The following KIAA0825 variants were observed in gnomAD, a reference collection of about 807,000 sequenced individuals.
The protein encoded by KIAA0825 is KIAA0825, also known as uncharacterized protein KIAA0825.
KIAA0825 carries 119 observed loss-of-function variants against 147.6 expected under a neutral mutation model. The observed-to-expected ratio is 0.81, with a 90% CI of 0.69 to 0.94. The LOEUF (loss-of-function observed/expected upper bound fraction) is 0.94. Ranked by LOEUF, KIAA0825 falls within the 40% of genes least tolerant of loss-of-function variation. The pLI, the probability that KIAA0825 is intolerant of heterozygous loss-of-function variation, is 0.00. For missense variants in KIAA0825, 1,381 were observed against 1,472.7 expected (o/e 0.94, Z 1.02); for synonymous variants, 470 against 518.1 (o/e 0.91, Z 1.26).
chr5:94,293,755 T>C (rs1481857058), intron 20 of KIAA0825, among the ~76,000 whole-genome samples: 1 of 152,174 alleles, frequency 6.6e-6, no homozygotes, highest in Non-Finnish European at 1.5e-5. Context: ...TAAGTCTCTT[T>C]GTAGGTCTCT....
intron 20 of KIAA0825, among the ~76,000 whole-genome samples, chr5:94,316,693 G>GTC (rs1779692792): frequency 6.6e-6 from 1 of 151,704 alleles, no homozygotes; most frequent in Non-Finnish European, 1.5e-5. Context: ...ATCTTCCTCC[G>GTC]TCAGGCTTTA....
At chr5:94,554,621 G>C (rs1023885391) in intron 2 of KIAA0825, among the ~76,000 whole-genome samples, 5 of 149,882 alleles carry the variant, frequency 3.3e-5, no homozygotes, top group African/African-American at 1.2e-4. Context: ...CATTCATTGA[G>C]ACCTGGATTA....
At chr5:94,460,107 T>A (rs1025791697) in intron 12 of KIAA0825, among the ~76,000 whole-genome samples, 12 of 152,134 alleles carry the variant, frequency 7.9e-5, no homozygotes, top group African/African-American at 1.2e-4. Flanking sequence ...TAAAGTCTAC[T>A]CATCCAAAAT....
intron 16 of KIAA0825, among the ~76,000 whole-genome samples, chr5:94,397,759 A>G (rs992250476): frequency 3.3e-5 from 5 of 152,082 alleles, no homozygotes; most frequent in African/African-American, 1.2e-4. Flanking sequence ...GTCCCCTGGG[A>G]CCAAAACTGT....
At chr5:94,540,571 A>G (rs1242184640) in intron 2 of KIAA0825, among the ~76,000 whole-genome samples, 1 of 152,184 alleles carries the variant, frequency 6.6e-6, no homozygotes, top group East Asian at 1.9e-4. Flanking sequence ...GTTGTGTGTG[A>G]TGTTTATATG....
In KIAA0825 at chr5:94,151,559, A is replaced by C. The variant is rs966491782; in HGVS notation, c.*2448T>G. Among the ~76,000 whole-genome samples, 1 of 152,120 alleles carries C rather than the reference A, an allele frequency of 6.6e-6. No homozygotes were observed. Among genetic ancestry groups the C allele is most frequent in the Non-Finnish European group, 1.5e-5 (1 of 68,022 alleles). On this transcript the variant is annotated 3_prime_UTR_variant, in exon 21 of 21. Transcript: ENST00000682413. ...ATGGCTATAATAATTTCACTGAACA[A>C]GCACAGAATAGAATTCAACTGCAAG...
intron 13 of KIAA0825, among the ~76,000 whole-genome samples, chr5:94,446,278 A>T (rs1757712523): frequency 1.3e-5 from 2 of 152,220 alleles, no homozygotes; most frequent in Admixed American, 1.3e-4. Context: ...GTAAGCAAAA[A>T]GCAGAAATTC....
At chr5:94,383,091 A>G (rs991962225) in intron 20 of KIAA0825, among the ~76,000 whole-genome samples, 6 of 152,070 alleles carry the variant, frequency 3.9e-5, no homozygotes, top group Non-Finnish European at 5.9e-5. Flanking sequence ...CACCTCTCCA[A>G]ATATCTTTGG....
chr5:94,483,011 C>A (rs1762658357), intron 6 of KIAA0825, among the ~76,000 whole-genome samples: 1 of 151,958 alleles, frequency 6.6e-6, no homozygotes, highest in Non-Finnish European at 1.5e-5. Context: ...GACTTTCATT[C>A]ACAAATGGTA....
intron 20 of KIAA0825, among the ~76,000 whole-genome samples, chr5:94,348,086 C>G (rs958345526): frequency 1.3e-5 from 2 of 151,998 alleles, no homozygotes; most frequent in Non-Finnish European, 2.9e-5. Flanking sequence ...CCCAATCCAA[C>G]AAAGACAAAG....
chr5:94,553,176 C>T (rs1329656409), intron 2 of KIAA0825, among the ~76,000 whole-genome samples: 1 of 152,022 alleles, frequency 6.6e-6, no homozygotes, highest in African/African-American at 2.4e-5. Context: ...GAGTGACTCA[C>T]GCCTGTAATC....
intron 16 of KIAA0825, among the ~76,000 whole-genome samples, chr5:94,398,487 AAAT>A (rs1750965375): frequency 6.6e-6 from 1 of 152,164 alleles, no homozygotes; most frequent in South Asian, 2.1e-4. Context: ...CATGGTTCAC[AAAT>A]AATCTTCAAC....
Position 94,466,517 on chromosome 5 carries a change from A to C in KIAA0825, c.1873-1458T>G, listed in dbSNP as rs1474288178. Among the ~76,000 whole-genome samples, 58 of 152,074 alleles carry C rather than the reference A, an allele frequency of 3.8e-4. 2 individuals carry two copies. Among genetic ancestry groups the C allele is most frequent in the Admixed American group, 3.8e-3 (58 of 15,272 alleles). On this transcript the variant is annotated intron_variant, in intron 10 of 20. Coordinates refer to ENST00000682413, the MANE Select transcript of KIAA0825 (RefSeq NM_001145678.3). ...GGCGGATCACGACGTCAGGAGATCG[A>C]GACCATCATGGCTAACACTAAGAAA...
intron 6 of KIAA0825, among the ~76,000 whole-genome samples, chr5:94,481,322 G>C (rs1051353424): frequency 1.3e-5 from 2 of 152,098 alleles, no homozygotes; most frequent in African/African-American, 2.4e-5. Context: ...GAGAGTAGAG[G>C]TTGGCAGTAC....
Position 94,151,702 on chromosome 5 carries a change from T to C in KIAA0825, c.*2305A>G, listed in dbSNP as rs1404953733. Among the ~76,000 whole-genome samples the C allele has an allele frequency of 6.6e-6, 1 of 152,202 alleles. No homozygotes were observed. The highest frequency in any genetic ancestry group is 1.5e-5 in the Non-Finnish European group (1 of 68,032). On this transcript the variant is annotated 3_prime_UTR_variant, in exon 21 of 21. Transcript: ENST00000682413. ...ATTTTTTCTGGAGGAGCAAAATTAC[T>C]TCCCAGGATTAATACAGGAATATAC... is the stretch of plus-strand genomic sequence containing the variant.
chr5:94,547,222 A>G (rs1774581609), intron 2 of KIAA0825, among the ~76,000 whole-genome samples: 1 of 152,108 alleles, frequency 6.6e-6, no homozygotes, highest in Admixed American at 6.5e-5. Flanking sequence ...AGATCTAGAA[A>G]ATAGCCTGAA....
chr5:94,201,219 A>G (rs1023842306), intron 20 of KIAA0825, among the ~76,000 whole-genome samples: 5 of 150,958 alleles, frequency 3.3e-5, no homozygotes, highest in Non-Finnish European at 2.9e-5. Context: ...AAGATGTAAT[A>G]AATTTACATG....
chr5:94,202,687 G>A (rs1452297867), intron 20 of KIAA0825, among the ~76,000 whole-genome samples: 1 of 152,146 alleles, frequency 6.6e-6, no homozygotes, highest in African/African-American at 2.4e-5. Flanking sequence ...AGTGACCCAG[G>A]CCAATCTGGG....
intron 20 of KIAA0825, among the ~76,000 whole-genome samples, chr5:94,332,591 A>G (rs1485432087): frequency 1.3e-5 from 2 of 152,128 alleles, no homozygotes; most frequent in East Asian, 1.9e-4. Flanking sequence ...TCCATGTTGT[A>G]TATGTGCCAC....
Sources: gnomAD v4.1 joint callset for allele counts (sites outside exome capture counted in the v4.1 genomes callset) on GRCh38, gnomAD v4.1.1 for gene constraint, MANE v1.5 for transcripts, NCBI Gene and HGNC (gene_info 2026-07-23, HGNC 2026-07-21) for gene names.